NR1D2: variants seen among roughly 807,000 people sequenced by gnomAD.
NR1D2 encodes V-erbA-related protein 1-related.
In NR1D2, 25 loss-of-function variants were observed where a neutral mutation model predicts 52.2. That is an observed-to-expected ratio of 0.48 (90% confidence interval 0.35 to 0.67). NR1D2 has a LOEUF of 0.67. Among genes scored for constraint, NR1D2 ranks in the 30% least tolerant of loss-of-function variants. NR1D2 has a pLI of 0.01. For synonymous variants in NR1D2, 259 were observed against 230.1 expected (o/e 1.13, Z -1.14); for missense variants, 681 against 707.2 (o/e 0.96, Z 0.42).
chr3:23,946,609 C>G (rs1426908812), intron 1 of NR1D2: 3 of 152,240 alleles, frequency 2.0e-5, no homozygotes, highest in Non-Finnish European at 4.4e-5. Flanking sequence ...ACGGGTCACA[C>G]CCGCAGCTGA....
chr3:23,950,386 A>T (rs949893904), intron 1 of NR1D2, among the ~76,000 whole-genome samples: 1 of 152,230 alleles, frequency 6.6e-6, no homozygotes, highest in Non-Finnish European at 1.5e-5. Flanking sequence ...TGATTTGATG[A>T]AAGTTAATTC....
intron 1 of NR1D2, among the ~76,000 whole-genome samples, chr3:23,949,023 C>T (rs1397486531): frequency 6.6e-6 from 1 of 152,190 alleles, no homozygotes. Context: ...CTTGACCTCC[C>T]TTCTCCAGTA....
intron 3 of NR1D2, among the ~76,000 whole-genome samples, chr3:23,958,656 A>G (rs527986888): frequency 6.6e-6 from 1 of 151,262 alleles, no homozygotes; most frequent in East Asian, 1.9e-4. Flanking sequence ...AAAAAAAAAA[A>G]AAAAAAAAAG....
chr3:23,949,256 T>C (rs1705860310), intron 1 of NR1D2, among the ~76,000 whole-genome samples: 1 of 151,894 alleles, frequency 6.6e-6, no homozygotes, highest in African/African-American at 2.4e-5. Flanking sequence ...TCCCAGCTAC[T>C]TGGGAGACTG....
intron 7 of NR1D2, among the ~76,000 whole-genome samples, chr3:23,973,499 A>G (rs528948989): frequency 1.3e-5 from 2 of 152,360 alleles, no homozygotes; most frequent in South Asian, 2.1e-4. Context: ...AAAAGCTGGT[A>G]TACTTGTGTA....
At chr3:23,947,568 C>G (rs142861651) in intron 1 of NR1D2, among the ~76,000 whole-genome samples, 1 of 152,182 alleles carries the variant, frequency 6.6e-6, no homozygotes, top group Non-Finnish European at 1.5e-5. Context: ...CCCTGGCAGG[C>G]TTAGTATTTT....
At chr3:23,963,431 T>C in intron 5 of NR1D2, 2 of 1,189,800 alleles carry the variant, frequency 1.7e-6, no homozygotes, top group African/African-American at 1.6e-5. Context: ...CTGTGGACCT[T>C]ATGTTAGGCT....
intron 1 of NR1D2, among the ~76,000 whole-genome samples, chr3:23,947,486 T>G (rs761982577): frequency 6.6e-6 from 1 of 152,226 alleles, no homozygotes; most frequent in Non-Finnish European, 1.5e-5. Flanking sequence ...GAACAGGCTC[T>G]TGTGGAAGTG....
At chr3:23,975,122 C>A (rs1301524148) in intron 7 of NR1D2, among the ~76,000 whole-genome samples, 3 of 151,180 alleles carry the variant, frequency 2.0e-5, no homozygotes, top group Admixed American at 6.6e-5. Flanking sequence ...TCCTGCCCAA[C>A]ATTCTTTTTA....
intron 3 of NR1D2, among the ~76,000 whole-genome samples, chr3:23,956,447 A>C (rs896765217): frequency 3.3e-5 from 5 of 152,250 alleles, no homozygotes; most frequent in African/African-American, 1.2e-4. Flanking sequence ...GTAGTGAAAT[A>C]ACAAGGAACA....
Position 23,956,074 on chromosome 3 carries a change from G to T in NR1D2, c.321G>T (p.Gly107=). Residue 107 remains glycine (G), a synonymous_variant, in exon 3 of 8, where the codon GGG becomes GGT. Transcript: ENST00000312521. ...TGGTTCTACTGTGTAAAGTCTGTGG[G>T]GATGTGGCGTCAGGATTCCACTATG... ...SGMVLLCKVC[G]DVASGFHYGV... 1 of 1,614,024 alleles carries T rather than the reference G, an allele frequency of 6.2e-7. No homozygotes were observed. Among genetic ancestry groups the T allele is most frequent in the Non-Finnish European group, 8.5e-7 (1 of 1,179,940 alleles).
intron 7 of NR1D2, among the ~76,000 whole-genome samples, chr3:23,974,799 C>A (rs1283010494): frequency 6.6e-6 from 1 of 151,738 alleles, no homozygotes; most frequent in Non-Finnish European, 1.5e-5. Context: ...CTCCCCCTAC[C>A]CCCACAAACC....
chr3:23,950,902 C>CTTTTT (rs1181448290), intron 1 of NR1D2, among the ~76,000 whole-genome samples: 27 of 123,094 alleles, frequency 2.2e-4, no homozygotes, highest in Non-Finnish European at 3.0e-4. Flanking sequence ...CTTTCTTTTT[C>CTTTTT]TTTTTTTTTT....
Position 23,956,654 on chromosome 3 carries a change from C to A in NR1D2, c.372+529C>A, listed in dbSNP as rs372952829. On this transcript the variant is annotated intron_variant, in intron 3 of 7. Coordinates refer to ENST00000312521, the MANE Select transcript of NR1D2 (RefSeq NM_005126.5). ...AAATAATCCTGAATATAAGTTGAGC[C>A]CTTGGGAAAGCTAGTTTATTTGTAA... is the stretch of plus-strand genomic sequence containing the variant. Among the ~76,000 whole-genome samples the A allele has an allele frequency of 9.2e-5, 14 of 151,988 alleles. 1 individual carries two copies. The South Asian group carries it at 1.7e-3, about 18-fold the overall frequency.
intron 7 of NR1D2, among the ~76,000 whole-genome samples, chr3:23,970,858 C>T (rs1176637816): frequency 6.6e-6 from 1 of 151,902 alleles, no homozygotes; most frequent in African/African-American, 2.4e-5. Flanking sequence ...CTCTGTTCAC[C>T]GCAACCTCCC....
At chr3:23,965,567 AAGTC>A (rs1220778345) in intron 6 of NR1D2, among the ~76,000 whole-genome samples, 1 of 151,930 alleles carries the variant, frequency 6.6e-6, no homozygotes, top group Non-Finnish European at 1.5e-5. Flanking sequence ...ATTCTTTTCT[AAGTC>A]AGTATTTATA....
chr3:23,945,568 G>T lies in NR1D2; in HGVS notation c.-11G>T. 8.6e-7 allele frequency: 1 copy of T among 1,165,894 alleles called. No individual in the cohort carries two copies. Among genetic ancestry groups the T allele is most frequent in the East Asian group, 4.0e-5 (1 of 25,192 alleles). 72.2% of individuals were successfully genotyped at this position (1,165,894 alleles called of 1,614,324 possible). On this transcript the variant is annotated 5_prime_UTR_variant, in exon 1 of 8. Transcript: ENST00000312521. ...GAAGCGGGCGGCCCCGGCCGCCTCCGCGAGGGCACCATGGAGGTGAATGCA... is the reference window on the plus strand; with the variant it reads ...GAAGCGGGCGGCCCCGGCCGCCTCCTCGAGGGCACCATGGAGGTGAATGCA...
At chr3:23,954,495 T>A in intron 1 of NR1D2, 42 bp from the exon 2 acceptor site, 1 of 1,547,926 alleles carries the variant, frequency 6.5e-7, no homozygotes, top group South Asian at 1.1e-5. Flanking sequence ...AAAATACGTA[T>A]TATCTTGTAT....
chr3:23,974,479 G>A (rs1042171300), intron 7 of NR1D2, among the ~76,000 whole-genome samples: 5 of 152,160 alleles, frequency 3.3e-5, no homozygotes, highest in African/African-American at 1.2e-4. Flanking sequence ...ACATTGTTAC[G>A]TGGCACATGA....
Sources: gnomAD v4.1 joint callset for allele counts (sites outside exome capture counted in the v4.1 genomes callset) on GRCh38, gnomAD v4.1.1 for gene constraint, MANE v1.5 for transcripts, NCBI Gene and HGNC (gene_info 2026-07-23, HGNC 2026-07-21) for gene names.